ZC2HC1A: variants seen among roughly 807,000 people sequenced by gnomAD.
ZC2HC1A encodes zinc finger C2HC-type containing 1A.
In ZC2HC1A, 28 loss-of-function variants were observed where a neutral mutation model predicts 40.7. The ratio of observed to expected loss-of-function variants is 0.69; its 90% CI spans 0.51 to 0.94. ZC2HC1A has a LOEUF of 0.94. Ranked by LOEUF, ZC2HC1A falls within the 40% of genes least tolerant of loss-of-function variation. The pLI is 0.00. For synonymous variants in ZC2HC1A, 129 were observed against 129.2 expected, an observed-to-expected ratio of 1.00 and a Z score of 0.01; for missense variants, 389 against 386.3, an observed-to-expected ratio of 1.01 and a Z score of -0.06.
chr8:78,689,344 A>G lies in ZC2HC1A; in HGVS notation c.475A>G (p.Lys159Glu). Residue 159 changes from lysine (K) to glutamate (E), a missense_variant, in exon 5 of 9, where the codon AAA becomes GAA. Physicochemically the swap from Lys to Glu is moderately conservative, Grantham distance 56. Transcript: ENST00000263849. ...SNKGKFSTDTKGKPTSRTQVY... is the reference protein window; with the variant it reads ...SNKGKFSTDTEGKPTSRTQVY... Reference sequence around the variant, plus strand: ...TAAAGGGAAATTTTCTACAGATACCAAAGGAAAACCAACTTCTCGGACACA... The same window carrying G: ...TAAAGGGAAATTTTCTACAGATACCGAAGGAAAACCAACTTCTCGGACACA... The G allele has an allele frequency of 1.3e-6, 2 of 1,598,504 alleles. No homozygotes were observed. Among genetic ancestry groups the G allele is most frequent in the Non-Finnish European group, 1.7e-6 (2 of 1,173,656 alleles).
At chr8:78,671,162 C>T (rs540237270) in intron 1 of ZC2HC1A, among the ~76,000 whole-genome samples, 2 of 152,182 alleles carry the variant, frequency 1.3e-5, no homozygotes, top group African/African-American at 2.4e-5. Context: ...TTTAAAATGT[C>T]ACAACTATTT....
chr8:78,678,467 C>A, intron 2 of ZC2HC1A, 96 bp from the exon 3 acceptor site: 1 of 867,012 alleles, frequency 1.2e-6, no homozygotes, highest in Non-Finnish European at 1.8e-6. Context: ...TTCATTTGGT[C>A]TCAGATTTTT....
chr8:78,671,183 CTTTA>C (rs1809428977), intron 1 of ZC2HC1A, among the ~76,000 whole-genome samples: 1 of 152,118 alleles, frequency 6.6e-6, no homozygotes, highest in Non-Finnish European at 1.5e-5. Flanking sequence ...GAAATAAAAT[CTTTA>C]TTTCTCATCA....
At chr8:78,668,762 G>A (rs2130404544) in intron 1 of ZC2HC1A, among the ~76,000 whole-genome samples, 1 of 152,128 alleles carries the variant, frequency 6.6e-6, no homozygotes, top group Middle Eastern at 3.4e-3. Flanking sequence ...TAAAATTTGT[G>A]CCCCACAAAA....
At chr8:78,700,905 TA>T (rs1347639038) in intron 7 of ZC2HC1A, among the ~76,000 whole-genome samples, 2 of 152,224 alleles carry the variant, frequency 1.3e-5, no homozygotes, top group Admixed American at 1.3e-4. Flanking sequence ...CCCTGTAGTA[TA>T]GCTGGAAGTC....
chr8:78,710,473 C>T lies in ZC2HC1A; in HGVS notation c.705-4748C>T, dbSNP rs375020476. Among the ~76,000 whole-genome samples, 5 of 151,862 alleles carry T rather than the reference C, an allele frequency of 3.3e-5. No individual in the cohort carries two copies. The South Asian group carries it at 8.3e-4, about 25-fold the overall frequency. ...TTTTTATTATATTTTACACATCTTT[C>T]TTGAACTGAACTTTGTTGTATCACA... On this transcript the variant is annotated intron_variant, in intron 7 of 8. Coordinates refer to ENST00000263849, the MANE Select transcript of ZC2HC1A (RefSeq NM_016010.3).
intron 3 of ZC2HC1A, 136 bp from the exon 4 acceptor site, chr8:78,686,331 T>C: frequency 2.7e-6 from 2 of 740,208 alleles, no homozygotes; most frequent in Non-Finnish European, 3.8e-6. Context: ...AAATTATAAA[T>C]TTGAGAAGGA....
At chr8:78,712,229 C>A in intron 7 of ZC2HC1A, 1 of 413,398 alleles carries the variant, frequency 2.4e-6, no homozygotes, top group Non-Finnish European at 4.0e-6. Flanking sequence ...AATTTCTAAG[C>A]CAAAATGTGT....
intron 6 of ZC2HC1A, 43 bp downstream of exon 6, chr8:78,697,549 T>C (rs763422890): frequency 1.3e-5 from 19 of 1,468,692 alleles, no homozygotes; most frequent in Non-Finnish European, 1.8e-5. Context: ...TTTGAAACCA[T>C]GTTGGCAGAG....
chr8:78,705,840 C>G (rs1032064246), intron 7 of ZC2HC1A, among the ~76,000 whole-genome samples: 1 of 151,960 alleles, frequency 6.6e-6, no homozygotes, highest in East Asian at 1.9e-4. Context: ...TGGGGACTTA[C>G]TTAAAGAAGC....
At chr8:78,717,231 A>G (rs1181611904) in intron 8 of ZC2HC1A, 97 bp from the exon 9 acceptor site, 112 of 1,078,184 alleles carry the variant, frequency 1.0e-4, no homozygotes, top group Non-Finnish European at 1.4e-4. Flanking sequence ...GAGATTAAGC[A>G]GGCTAATTGT....
chr8:78,712,649 G>A (rs1362820816), intron 7 of ZC2HC1A, among the ~76,000 whole-genome samples: 1 of 152,144 alleles, frequency 6.6e-6, no homozygotes, highest in East Asian at 1.9e-4. Flanking sequence ...TCAAGCTCGA[G>A]GAAGAGTATG....
intron 3 of ZC2HC1A, among the ~76,000 whole-genome samples, chr8:78,683,839 A>G (rs537447459): frequency 7.9e-5 from 12 of 152,184 alleles, no homozygotes; most frequent in Non-Finnish European, 1.8e-4. Context: ...CTTCCACCAG[A>G]AACCTTAAAT....
intron 3 of ZC2HC1A, among the ~76,000 whole-genome samples, chr8:78,685,562 A>G (rs1809942498): frequency 6.6e-6 from 1 of 152,222 alleles, no homozygotes; most frequent in African/African-American, 2.4e-5. Flanking sequence ...CAATTACTAG[A>G]AATTATTACA....
At chr8:78,668,475 A>G (rs1809361179) in intron 1 of ZC2HC1A, among the ~76,000 whole-genome samples, 1 of 152,166 alleles carries the variant, frequency 6.6e-6, no homozygotes, top group Non-Finnish European at 1.5e-5. Context: ...TCTTGGCTAT[A>G]AAACAAGAAA....
chr8:78,709,957 C>T (rs1810902801), intron 7 of ZC2HC1A, among the ~76,000 whole-genome samples: 1 of 152,140 alleles, frequency 6.6e-6, no homozygotes, highest in Non-Finnish European at 1.5e-5. Context: ...GTACTTGCTA[C>T]ACTCCTACAA....
intron 7 of ZC2HC1A, 28 bp downstream of exon 7, chr8:78,698,541 G>C: frequency 2.7e-6 from 4 of 1,469,108 alleles, no homozygotes; most frequent in Non-Finnish European, 3.7e-6. Context: ...ATAATTATTA[G>C]TGGTATATAA....
At chr8:78,715,906 G>A (rs1168226967) in intron 8 of ZC2HC1A, among the ~76,000 whole-genome samples, 1 of 151,508 alleles carries the variant, frequency 6.6e-6, no homozygotes, top group Non-Finnish European at 1.5e-5. Context: ...CGGTTGTGGT[G>A]TTGCACACCT....
chr8:78,683,032 GC>G (rs1211986259), intron 3 of ZC2HC1A, among the ~76,000 whole-genome samples: 1 of 152,184 alleles, frequency 6.6e-6, no homozygotes, highest in East Asian at 1.9e-4. Flanking sequence ...CAAAAGATGG[GC>G]TCCCATGGCC....
Sources: allele counts gnomAD v4.1 joint callset (sites outside exome capture counted in the v4.1 genomes callset), GRCh38; gene constraint gnomAD v4.1.1; transcripts MANE v1.5; gene names NCBI Gene and HGNC (gene_info 2026-07-23, HGNC 2026-07-21).